The following EPB41L4A variants were observed in gnomAD, a reference collection of about 807,000 sequenced individuals.
EPB41L4A encodes erythrocyte membrane protein band 4.1 like 4A, also known as band 4.1-like protein 4A.
In EPB41L4A, 100 loss-of-function variants were observed where a neutral mutation model predicts 108.6. The observed-to-expected ratio is 0.92, with a 90% confidence interval of 0.78 to 1.09. EPB41L4A has a LOEUF of 1.09. EPB41L4A is among the 50% of genes least tolerant of loss of function. The pLI is 0.00. For synonymous variants in EPB41L4A, 319 were observed against 289.0 expected, an observed-to-expected ratio of 1.10 and a Z score of -1.05; for missense variants, 1,030 against 842.7, an observed-to-expected ratio of 1.22 and a Z score of -2.75.
chr5:112,231,389 T>C (rs1402171579), intron 12 of EPB41L4A, among the ~76,000 whole-genome samples: 1 of 152,236 alleles, frequency 6.6e-6, no homozygotes, highest in Non-Finnish European at 1.5e-5. Context: ...ATATAAAAGT[T>C]TTTTTCTTTC....
intron 2 of EPB41L4A, among the ~76,000 whole-genome samples, chr5:112,295,856 C>A (rs1355819522): frequency 6.6e-6 from 1 of 152,174 alleles, no homozygotes; most frequent in African/African-American, 2.4e-5. Flanking sequence ...TTTCCATACT[C>A]TAGCTACTGT....
chr5:112,317,312 G>A (rs77031736), intron 1 of EPB41L4A, among the ~76,000 whole-genome samples: 110 of 152,242 alleles, frequency 7.2e-4, no homozygotes, highest in Non-Finnish European at 1.5e-3. Context: ...ATGATTTCTT[G>A]TACTTTGTTT....
At chr5:112,199,598 C>G (rs1167027969) in intron 15 of EPB41L4A, among the ~76,000 whole-genome samples, 1 of 152,182 alleles carries the variant, frequency 6.6e-6, no homozygotes. Context: ...CCATTCACAA[C>G]CCATGTGAAT....
intron 1 of EPB41L4A, among the ~76,000 whole-genome samples, chr5:112,308,330 T>C (rs1754826542): frequency 6.6e-6 from 1 of 152,202 alleles, no homozygotes; most frequent in Non-Finnish European, 1.5e-5. Context: ...TTGTTCAGTT[T>C]CATCTTCCCT....
At position 112,419,025 on chromosome 5, in the gene EPB41L4A, G is replaced by A; in HGVS notation, c.15C>T (p.Cys5=). The A allele has an allele frequency of 6.2e-7, 1 of 1,613,388 alleles. No homozygotes were observed. The highest frequency in any genetic ancestry group is 8.5e-7 in the Non-Finnish European group (1 of 1,179,542). MGCF[C]AVPEEFYCEV... is the part of the protein sequence containing the mutation. ...CGCAGTAAAATTCTTCCGGAACAGC[G>A]CAGAAACAGCCCATGTCGGTTGTGG... The change falls in exon 1 of 23, where the codon TGC becomes TGT. Residue 5 remains cysteine (C), a synonymous_variant. Transcript: ENST00000261486.
In EPB41L4A at chr5:112,377,833, C is replaced by A. The variant is rs17134429; in HGVS notation, c.99+41108G>T. Among the ~76,000 whole-genome samples, 7 of 151,868 alleles carry A rather than the reference C, an allele frequency of 4.6e-5. No individual in the cohort carries two copies. In the East Asian group the frequency reaches 1.2e-3, roughly 25 times the overall value. ...CTTCCAGAAACTAACTTAATCTTCACACAAATTGGGAAGAGAAAAAAAAAA... is the reference window on the plus strand; with the variant it reads ...CTTCCAGAAACTAACTTAATCTTCAAACAAATTGGGAAGAGAAAAAAAAAA... On this transcript the variant is annotated intron_variant, in intron 1 of 22. Transcript: ENST00000261486.
chr5:112,168,896 G>T, intron 21 of EPB41L4A, 76 bp from the exon 22 acceptor site: 1 of 1,490,424 alleles, frequency 6.7e-7, no homozygotes. Context: ...GAGAACTACA[G>T]TGTAGATATA....
chr5:112,256,942 C>T (rs566624726), intron 9 of EPB41L4A: 28 of 152,164 alleles, frequency 1.8e-4, no homozygotes, highest in Admixed American at 5.2e-4. Flanking sequence ...ATTATGTAAA[C>T]AACAGTACTT....
chr5:112,411,625 CAA>C (rs397971185), intron 1 of EPB41L4A, among the ~76,000 whole-genome samples: 4 of 128,042 alleles, frequency 3.1e-5, no homozygotes, highest in Non-Finnish European at 5.2e-5. Context: ...CTGGGGCTGG[CAA>C]AAAAAAAAAA....
At chr5:112,368,866 TA>T (rs2112530045) in intron 1 of EPB41L4A, among the ~76,000 whole-genome samples, 1 of 152,300 alleles carries the variant, frequency 6.6e-6, no homozygotes, top group Non-Finnish European at 1.5e-5. Context: ...TATCTTTTGT[TA>T]CAGTCTTTGT....
intron 5 of EPB41L4A, among the ~76,000 whole-genome samples, chr5:112,265,692 G>T (rs892710300): frequency 6.6e-6 from 1 of 152,204 alleles, no homozygotes; most frequent in African/African-American, 2.4e-5. Context: ...TTGATTCTTA[G>T]AAGGTGTCTA....
At position 112,306,387 on chromosome 5, in the gene EPB41L4A, C is replaced by T. The variant is rs151334740; in HGVS notation, c.204+999G>A. 3.9e-3 allele frequency among the ~76,000 whole-genome samples: 598 copies of T among 152,116 alleles called. 1 individual carries two copies. The highest frequency in any genetic ancestry group is 7.0e-3 in the Non-Finnish European group (477 of 67,968). ...TTCTATGCAAAGCTATCCAACATAC[C>T]CAATTTTTCATTCCAACCTTATGAA... On this transcript the variant is annotated intron_variant, in intron 2 of 22. Coordinates refer to ENST00000261486, the MANE Select transcript of EPB41L4A (RefSeq NM_022140.5).
At position 112,170,995 on chromosome 5, in the gene EPB41L4A, A is replaced by C; in HGVS notation, c.1623-3T>G. 6.2e-7 allele frequency: 1 copy of C among 1,612,586 alleles called. No homozygotes were observed. The highest frequency in any genetic ancestry group is 2.2e-5 in the East Asian group (1 of 44,882). ...TTGCTTGGATATCGGGGCTTCTCCT[A>C]TAAATAGAGAAAACAACATTCATCT... On this transcript the variant is annotated splice_region_variant and splice_polypyrimidine_tract_variant and intron_variant, in intron 18 of 22. Coordinates refer to ENST00000261486, the MANE Select transcript of EPB41L4A (RefSeq NM_022140.5).
intron 1 of EPB41L4A, among the ~76,000 whole-genome samples, chr5:112,326,077 G>A (rs1756136770): frequency 6.6e-6 from 1 of 152,096 alleles, no homozygotes; most frequent in South Asian, 2.1e-4. Context: ...TTGAATCCAG[G>A]AGTTCAAGGC....
chr5:112,400,250 A>G (rs1761653099), intron 1 of EPB41L4A, among the ~76,000 whole-genome samples: 1 of 152,204 alleles, frequency 6.6e-6, no homozygotes. Flanking sequence ...CTCACTCACT[A>G]TCACGAGAAC....
intron 12 of EPB41L4A, among the ~76,000 whole-genome samples, chr5:112,211,772 C>T (rs546510307): frequency 6.6e-6 from 1 of 152,138 alleles, no homozygotes; most frequent in Non-Finnish European, 1.5e-5. Context: ...TTAATAAATA[C>T]ACTTTAGACA....
intron 2 of EPB41L4A, among the ~76,000 whole-genome samples, chr5:112,300,963 T>A (rs6861982): frequency 1.3e-5 from 2 of 152,140 alleles, no homozygotes; most frequent in African/African-American, 4.8e-5. Context: ...ACATTTTGCA[T>A]TTCTCTAAGT....
At chr5:112,174,154 T>G (rs1458612126) in intron 18 of EPB41L4A, among the ~76,000 whole-genome samples, 1 of 152,242 alleles carries the variant, frequency 6.6e-6, no homozygotes, top group African/African-American at 2.4e-5. Context: ...TAATTTCCTC[T>G]GATTGCTAGA....
At chr5:112,333,206 C>T (rs1161470800) in intron 1 of EPB41L4A, among the ~76,000 whole-genome samples, 1 of 152,108 alleles carries the variant, frequency 6.6e-6, no homozygotes, top group African/African-American at 2.4e-5. Flanking sequence ...TGAGAAGCTG[C>T]ACCCTGAGCA....
Sources: gnomAD v4.1 joint callset for allele counts (sites outside exome capture counted in the v4.1 genomes callset) on GRCh38, gnomAD v4.1.1 for gene constraint, MANE v1.5 for transcripts, NCBI Gene and HGNC (gene_info 2026-07-23, HGNC 2026-07-21) for gene names.